UEVLD: variants seen among roughly 807,000 people sequenced by gnomAD.
The protein encoded by UEVLD is UEV and lactate/malate dehyrogenase domains.
A neutral mutation model predicts 58.6 loss-of-function variants in UEVLD; 47 were observed. The ratio of observed to expected loss-of-function variants is 0.80; its 90% CI spans 0.63 to 1.02. UEVLD has a LOEUF of 1.02. UEVLD is among the 50% of genes least tolerant of loss of function. UEVLD has a pLI of 0.00. For missense variants in UEVLD, 510 were observed against 550.6 expected, an observed-to-expected ratio of 0.93 and a Z score of 0.74; for synonymous variants, 197 against 195.3, an observed-to-expected ratio of 1.01 and a Z score of -0.07.
chr11:18,555,192 T>C (rs969796214), intron 7 of UEVLD, among the ~76,000 whole-genome samples: 8 of 151,996 alleles, frequency 5.3e-5, no homozygotes, highest in African/African-American at 1.9e-4. Context: ...TTTGGGAGGC[T>C]GAGGAGGGTG....
intron 4 of UEVLD, among the ~76,000 whole-genome samples, chr11:18,569,128 T>G (rs959634858): frequency 6.6e-6 from 1 of 152,116 alleles, no homozygotes; most frequent in African/African-American, 2.4e-5. Flanking sequence ...TCTCCTGACC[T>G]CGTGATCCAC....
intron 7 of UEVLD, among the ~76,000 whole-genome samples, chr11:18,551,192 G>C (rs1055726200): frequency 1.3e-5 from 2 of 152,152 alleles, no homozygotes; most frequent in Admixed American, 1.3e-4. Context: ...ACTTTGGGAG[G>C]CTGAGGTGGG....
At chr11:18,585,067 A>C (rs1853470988) in intron 1 of UEVLD, among the ~76,000 whole-genome samples, 1 of 152,012 alleles carries the variant, frequency 6.6e-6, no homozygotes, top group African/African-American at 2.4e-5. Context: ...TTTCTTTTTA[A>C]AAAAATTGAG....
chr11:18,588,721 G>A lies in UEVLD; in HGVS notation c.-67C>T, dbSNP rs1853732802. 1.3e-6 allele frequency: 2 copies of A among 1,562,746 alleles called. No homozygotes were observed. The highest frequency in any genetic ancestry group is 2.3e-5 in the East Asian group (1 of 43,546). Reference sequence around the variant, plus strand: ...CGGACCTTCTTCCGGACTTGCTGCAGGACGGAAGCCGCTGAGGACCAAACT... The same window carrying A: ...CGGACCTTCTTCCGGACTTGCTGCAAGACGGAAGCCGCTGAGGACCAAACT... On this transcript the variant is annotated 5_prime_UTR_variant, in exon 1 of 12. Transcript: ENST00000396197.
At chr11:18,537,927 T>G (rs1850880351) in intron 9 of UEVLD, among the ~76,000 whole-genome samples, 1 of 152,214 alleles carries the variant, frequency 6.6e-6, no homozygotes, top group African/African-American at 2.4e-5. Flanking sequence ...CCTCCCAAAG[T>G]GCTGGGATTA....
At chr11:18,554,293 T>G (rs561377569) in intron 7 of UEVLD, among the ~76,000 whole-genome samples, 1 of 152,084 alleles carries the variant, frequency 6.6e-6, no homozygotes, top group Non-Finnish European at 1.5e-5. Flanking sequence ...GGTTTCTCCA[T>G]GTTGGTCAGG....
chr11:18,586,652 C>T (rs1302319647), intron 1 of UEVLD, among the ~76,000 whole-genome samples: 2 of 152,100 alleles, frequency 1.3e-5, no homozygotes, highest in Non-Finnish European at 2.9e-5. Flanking sequence ...TCTCAAGTAG[C>T]GGGGACTACA....
At chr11:18,545,041 T>A (rs1411947982) in intron 8 of UEVLD, among the ~76,000 whole-genome samples, 4 of 83,858 alleles carry the variant, frequency 4.8e-5, no homozygotes, top group Admixed American at 1.4e-4. Flanking sequence ...TGTGTGTATA[T>A]CTATCTATAT....
chr11:18,570,745 CAA>C (rs559788859), intron 3 of UEVLD: 44 of 67,746 alleles, frequency 6.5e-4, no homozygotes, highest in South Asian at 1.0e-3. Flanking sequence ...GACACTGTTT[CAA>C]AAAAAAAAAA....
chr11:18,544,991 CACAT>C (rs142489930), intron 8 of UEVLD, among the ~76,000 whole-genome samples, 195 bp from the exon 9 acceptor site: 29,290 of 146,906 alleles, frequency 0.2, 3,114 homozygotes, highest in East Asian at 0.25. Flanking sequence ...CATACATACA[CACAT>C]ATATATACAC....
chr11:18,562,157 T>C (rs1852066591), intron 6 of UEVLD, among the ~76,000 whole-genome samples: 1 of 151,758 alleles, frequency 6.6e-6, no homozygotes, highest in Admixed American at 6.6e-5. Context: ...CAATCGCAGC[T>C]CACTGCAGCC....
intron 4 of UEVLD, among the ~76,000 whole-genome samples, chr11:18,567,404 A>T (rs895432255): frequency 3.9e-5 from 6 of 152,210 alleles, no homozygotes. Flanking sequence ...ATGCTCATTT[A>T]AAAAGTGCTT....
At chr11:18,580,652 A>G (rs1232954868) in intron 1 of UEVLD, among the ~76,000 whole-genome samples, 2 of 151,136 alleles carry the variant, frequency 1.3e-5, no homozygotes, top group Non-Finnish European at 3.0e-5. Context: ...CTTCCCAGAA[A>G]AAAAAAAAAA....
At chr11:18,557,726 G>C (rs1404170286) in intron 7 of UEVLD, among the ~76,000 whole-genome samples, 1 of 151,782 alleles carries the variant, frequency 6.6e-6, no homozygotes, top group East Asian at 1.9e-4. Flanking sequence ...ACCACACCCA[G>C]CTAAATTTTT....
chr11:18,575,402 A>G lies in UEVLD; in HGVS notation c.138T>C (p.Asp46=). ...AATTCAGCAGGTCTTTCTGAGAACT[A>G]TCTTTAAAAACTAGAAGAAAAAAAA... ...KYSMDTYVFK[D]SSQKDLLNFT... Residue 46 remains aspartate, a synonymous_variant, in exon 3 of 12, where the codon GAT becomes GAC. Coordinates refer to ENST00000396197, the MANE Select transcript of UEVLD (RefSeq NM_001040697.4). 6.2e-7 allele frequency: 1 copy of G among 1,602,382 alleles called. No individual in the cohort carries two copies. The highest frequency in any genetic ancestry group is 8.5e-7 in the Non-Finnish European group (1 of 1,177,116).
intron 2 of UEVLD, among the ~76,000 whole-genome samples, chr11:18,577,085 A>AG (rs1852955229): frequency 6.6e-6 from 1 of 152,198 alleles, no homozygotes; most frequent in African/African-American, 2.4e-5. Context: ...AGAGAGACTG[A>AG]TGCATGAGAA....
At position 18,575,329 on chromosome 11, in the gene UEVLD, T is replaced by C. The variant is rs772775600; in HGVS notation, c.193+18A>G. On this transcript the variant is annotated intron_variant, in intron 3 of 11. Coordinates refer to ENST00000396197, the MANE Select transcript of UEVLD (RefSeq NM_001040697.4). ...CTCTTTTAGAAAACTCACACATTTT[T>C]TCAACTTCCACACTTACCCTGATAC... 42 of 1,585,850 alleles carry C rather than the reference T, an allele frequency of 2.6e-5. No homozygotes were observed. Among genetic ancestry groups the C allele is most frequent in the Admixed American group, 4.0e-5 (2 of 50,532 alleles).
At chr11:18,548,102 A>T (rs540527296) in intron 7 of UEVLD, among the ~76,000 whole-genome samples, 4 of 152,182 alleles carry the variant, frequency 2.6e-5, no homozygotes, top group Non-Finnish European at 5.9e-5. Flanking sequence ...TTGGATAACT[A>T]CTTCTTCCCA....
Position 18,560,138 on chromosome 11 carries a change from C to CACACACACACACACACACACAGAG in UEVLD, c.613-1809_613-1808insCTCTGTGTGTGTGTGTGTGTGTGT, listed in dbSNP as rs368897951. ...ACACACACACACACACACACACACA[C>CACACACACACACACACACACAGAG]AGAGAGAGAAAGAAAATAACCCTGC... On this transcript the variant is annotated intron_variant, in intron 6 of 11. Coordinates refer to ENST00000396197, the MANE Select transcript of UEVLD (RefSeq NM_001040697.4). Among the ~76,000 whole-genome samples the CACACACACACACACACACACAGAG allele has an allele frequency of 2.9e-3, 215 of 74,756 alleles. 4 individuals are homozygous for CACACACACACACACACACACAGAG. The highest frequency in any genetic ancestry group is 7.8e-3 in the Middle Eastern group (1 of 128). The allele number at this position is 74,756 out of a possible 152,430, so 49.0% of individuals were successfully genotyped here.
Sources: gnomAD v4.1 joint callset for allele counts (sites outside exome capture counted in the v4.1 genomes callset) on GRCh38, gnomAD v4.1.1 for gene constraint, MANE v1.5 for transcripts, NCBI Gene and HGNC (gene_info 2026-07-23, HGNC 2026-07-21) for gene names.